Variants in ATP8A1 observed in about 807,000 individuals in gnomAD.
The protein encoded by ATP8A1 is phospholipid-transporting ATPase IA.
In ATP8A1, 90 loss-of-function variants were observed where a neutral mutation model predicts 177.7. That is an observed-to-expected ratio of 0.51 (90% CI 0.43 to 0.60). The LOEUF is 0.60. Ranked by LOEUF, ATP8A1 falls within the 20% of genes least tolerant of loss-of-function variation. The probability of loss-of-function intolerance (pLI) is 0.00; values close to 1 mark genes in which losing one functional copy is unlikely to be tolerated. For missense variants in ATP8A1, 1,072 were observed against 1,392.8 expected (o/e 0.77, Z 3.67); for synonymous variants, 493 against 485.9 (o/e 1.01, Z -0.19).
At chr4:42,624,388 G>C in intron 4 of ATP8A1, 148 bp downstream of exon 4, 1 of 428,514 alleles carries the variant, frequency 2.3e-6, no homozygotes, top group Non-Finnish European at 4.2e-6. Flanking sequence ...TCAACTTCAG[G>C]GATAGGAACA....
intron 15 of ATP8A1, among the ~76,000 whole-genome samples, chr4:42,560,310 G>A (rs1730686422): frequency 6.6e-6 from 1 of 152,098 alleles, no homozygotes; most frequent in Admixed American, 6.5e-5. Context: ...CTCTAAGACA[G>A]GGAGGGGATC....
intron 33 of ATP8A1, among the ~76,000 whole-genome samples, chr4:42,441,088 G>A (rs1243404990): frequency 1.3e-5 from 2 of 152,030 alleles, no homozygotes; most frequent in Non-Finnish European, 2.9e-5. Context: ...CAAGTTCTCG[G>A]GGCTGCTCTG....
In ATP8A1 at chr4:42,431,873, ATCT is replaced by A. The variant is rs1268514860; in HGVS notation, c.3124-8171_3124-8169del. On this transcript the variant is annotated intron_variant, in intron 33 of 36. Coordinates refer to ENST00000381668, the MANE Select transcript of ATP8A1 (RefSeq NM_006095.2). ...AACTCTTTTGGTCTTCTCAGGAAGC[ATCT>A]TCTTCGTGAAATCATCATCAATAAA... 2.0e-5 allele frequency among the ~76,000 whole-genome samples: 3 copies of A among 152,340 alleles called. No homozygotes were observed. In the East Asian group the frequency reaches 5.8e-4, roughly 29 times the overall value.
intron 33 of ATP8A1, among the ~76,000 whole-genome samples, chr4:42,433,663 C>T (rs190196365): frequency 1.3e-5 from 2 of 149,458 alleles, no homozygotes; most frequent in Non-Finnish European, 3.0e-5. Flanking sequence ...CAAACAAACA[C>T]AAATCTTAGA....
chr4:42,446,788 C>T (rs1717311576), intron 30 of ATP8A1, 144 bp from the exon 31 acceptor site: 1 of 652,040 alleles, frequency 1.5e-6, no homozygotes, highest in Non-Finnish European at 2.6e-6. Context: ...AAAAAACAAC[C>T]CCAAACACTC....
At chr4:42,654,555 C>G (rs943882581) in intron 1 of ATP8A1, among the ~76,000 whole-genome samples, 2 of 152,200 alleles carry the variant, frequency 1.3e-5, no homozygotes, top group Non-Finnish European at 2.9e-5. Context: ...TCTCTACTCA[C>G]TCATAGTTTC....
At chr4:42,420,603 A>G (rs1713791331) in intron 35 of ATP8A1, among the ~76,000 whole-genome samples, 1 of 152,202 alleles carries the variant, frequency 6.6e-6, no homozygotes, top group African/African-American at 2.4e-5. Context: ...TCATTGGTAG[A>G]CAACAAAAAG....
At chr4:42,500,494 T>C (rs1196880364) in intron 24 of ATP8A1, among the ~76,000 whole-genome samples, 1 of 152,270 alleles carries the variant, frequency 6.6e-6, no homozygotes, top group East Asian at 1.9e-4. Context: ...TTATTCAAAT[T>C]TAAAAAATTA....
chr4:42,507,052 G>A lies in ATP8A1; in HGVS notation c.2050C>T (p.Leu684Phe). The change falls in exon 23 of 37, where the codon CTT (leucine) becomes TTT (phenylalanine). Residue 684 changes from leucine to phenylalanine, a missense_variant. By Grantham distance (22) the Leu-to-Phe change is conservative. This residue lies in a region of ATP8A1 where 388 missense variants were observed against 471.7 expected (regional missense o/e 0.82). Transcript: ENST00000381668. ...LMKADIKIWI[L>F]TGDKQETAIN... The stretch of plus-strand genomic sequence containing the variant: ...GCAGTTTCTTGCTTGTCCCCTGTAA[G>A]GATCCAGATTTTGATGTCTGCTTTC... The A allele has an allele frequency of 6.2e-7, 1 of 1,614,020 alleles. No individual in the cohort carries two copies. The highest frequency in any genetic ancestry group is 8.5e-7 in the Non-Finnish European group (1 of 1,179,970).
intron 24 of ATP8A1, among the ~76,000 whole-genome samples, chr4:42,497,252 C>T (rs1209306994): frequency 6.6e-6 from 1 of 152,218 alleles, no homozygotes; most frequent in East Asian, 1.9e-4. Context: ...CTGAGACAAA[C>T]ACCACCAGCT....
chr4:42,487,947 A>T (rs1560380715), intron 24 of ATP8A1, among the ~76,000 whole-genome samples: 2 of 152,214 alleles, frequency 1.3e-5, no homozygotes, highest in Non-Finnish European at 2.9e-5. Context: ...CACACTTTAC[A>T]TCAGGGATGG....
intron 14 of ATP8A1, among the ~76,000 whole-genome samples, chr4:42,574,211 T>C (rs538960923): frequency 2.6e-5 from 4 of 151,978 alleles, no homozygotes; most frequent in African/African-American, 7.2e-5. Context: ...GGAGAGATGA[T>C]AGAAGAAAAA....
rs1712238166 is a variant in ATP8A1 at position 42,408,564 on chromosome 4, A to G, written c.*4352T>C. On this transcript the variant is annotated 3_prime_UTR_variant, in exon 37 of 37. Transcript: ENST00000381668. Reference sequence around the variant, plus strand: ...CATCAAGATAAACAAACCTGAGAAAACTACTATAACCACAGATTCAATACT... The same window carrying G: ...CATCAAGATAAACAAACCTGAGAAAGCTACTATAACCACAGATTCAATACT... The G allele has an allele frequency of 6.6e-6, 1 of 152,212 alleles. No homozygotes were observed. Among genetic ancestry groups the G allele is most frequent in the African/African-American group, 2.4e-5 (1 of 41,448 alleles). 9.4% of individuals were successfully genotyped at this position (152,212 alleles called of 1,614,324 possible). A position where few individuals can be genotyped will look rare whatever the true frequency, so the allele number is the denominator to read the frequency against.
chr4:42,447,040 A>G (rs1179844965), intron 30 of ATP8A1, among the ~76,000 whole-genome samples: 1 of 152,232 alleles, frequency 6.6e-6, no homozygotes, highest in African/African-American at 2.4e-5. Context: ...TTGGGCCAAA[A>G]GGGATTCATA....
rs577261583 is a variant in ATP8A1 at position 42,456,572 on chromosome 4, A to C, written c.2620-973T>G. On this transcript the variant is annotated intron_variant, in intron 27 of 36. Coordinates refer to ENST00000381668, the MANE Select transcript of ATP8A1 (RefSeq NM_006095.2). ...AATTTTTCTCTAGCATGTTTAAAAC[A>C]TAAGAAAAATTAAAGTGACAATTAG... Among the ~76,000 whole-genome samples, 13 of 152,342 alleles carry C rather than the reference A, an allele frequency of 8.5e-5. No individual in the cohort carries two copies. The East Asian group carries it at 2.5e-3, about 29-fold the overall frequency.
chr4:42,565,264 C>T (rs1432623110), intron 15 of ATP8A1, among the ~76,000 whole-genome samples: 10 of 152,168 alleles, frequency 6.6e-5, no homozygotes, highest in South Asian at 4.1e-4. Flanking sequence ...GAAATGGCTG[C>T]CTTACTGGAA....
intron 1 of ATP8A1, among the ~76,000 whole-genome samples, chr4:42,646,257 G>C (rs1318125134): frequency 6.6e-6 from 1 of 152,228 alleles, no homozygotes; most frequent in Admixed American, 6.5e-5. Context: ...CCTGCCAAGA[G>C]CAAGGCAGGC....
intron 27 of ATP8A1, among the ~76,000 whole-genome samples, chr4:42,460,303 C>T (rs1016081370): frequency 4.0e-5 from 6 of 150,910 alleles, no homozygotes; most frequent in Admixed American, 1.3e-4. Context: ...AAAGTGTCAA[C>T]GTACTGACTT....
intron 20 of ATP8A1, among the ~76,000 whole-genome samples, chr4:42,525,821 G>A (rs984057468): frequency 3.9e-5 from 6 of 152,152 alleles, no homozygotes; most frequent in South Asian, 2.1e-4. Flanking sequence ...GACTAATGGA[G>A]TATGATTTAG....
Sources: gnomAD v4.1 joint callset for allele counts (sites outside exome capture counted in the v4.1 genomes callset) on GRCh38, gnomAD v4.1.1 for gene constraint, gnomAD v4.1.1 regional missense constraint, MANE v1.5 for transcripts, NCBI Gene and HGNC (gene_info 2026-07-23, HGNC 2026-07-21) for gene names.